LRRFIP2: variants seen among roughly 807,000 people sequenced by gnomAD.
The protein encoded by LRRFIP2 is LRR binding FLII interacting protein 2.
LRRFIP2 carries 109 observed loss-of-function variants against 125.9 expected under a neutral mutation model. The observed-to-expected ratio is 0.87, with a 90% CI of 0.74 to 1.01. The LOEUF is 1.01. LRRFIP2 is among the 50% of genes least tolerant of loss of function. The pLI is 0.00. For synonymous variants in LRRFIP2, 291 were observed against 293.1 expected, an observed-to-expected ratio of 0.99 and a Z score of 0.07; for missense variants, 850 against 862.3, an observed-to-expected ratio of 0.99 and a Z score of 0.18.
intron 1 of LRRFIP2, among the ~76,000 whole-genome samples, chr3:37,155,901 C>T (rs1290278161): frequency 6.6e-6 from 1 of 152,050 alleles, no homozygotes; most frequent in African/African-American, 2.4e-5. Context: ...GAGACAGGGT[C>T]TCCCACTCTG....
In LRRFIP2 at chr3:37,112,958, TGA is replaced by T. The variant is rs1167735649; in HGVS notation, c.393_394del (p.His132TrpfsTer8). On this transcript the variant is annotated frameshift_variant, in exon 8 of 28. Transcript: ENST00000336686. LOFTEE classifies it high-confidence loss of function. ...ATCAGAAGACCTCTTCTTCATTCCA[TGA>T]GAGTGACTGTAAGAATGATTCTGGA... 1.3e-6 allele frequency: 2 copies of T among 1,581,210 alleles called. No individual in the cohort carries two copies. The highest frequency in any genetic ancestry group is 2.7e-5 in the African/African-American group (2 of 74,478).
At chr3:37,145,047 T>C (rs1410577760) in intron 2 of LRRFIP2, among the ~76,000 whole-genome samples, 2 of 152,196 alleles carry the variant, frequency 1.3e-5, no homozygotes, top group East Asian at 3.8e-4. Flanking sequence ...GTTGCCATGG[T>C]TTCCAAATTA....
intron 23 of LRRFIP2, 144 bp downstream of exon 23, chr3:37,065,658 ACAATGTGC>A (rs1281402925): frequency 3.3e-6 from 3 of 917,984 alleles, no homozygotes; most frequent in Non-Finnish European, 5.3e-6. Context: ...ATGTCTGAAG[ACAATGTGC>A]CAATGTGCCC....
chr3:37,125,950 TTTTC>T (rs1486564819), intron 4 of LRRFIP2, among the ~76,000 whole-genome samples: 3 of 152,298 alleles, frequency 2.0e-5, no homozygotes, highest in East Asian at 1.9e-4. Flanking sequence ...TTTTTTCTTT[TTTTC>T]TTTTTCTTTT....
intron 27 of LRRFIP2, 65 bp from the exon 28 acceptor site, chr3:37,054,026 T>C: frequency 1.0e-6 from 1 of 979,356 alleles, no homozygotes. Context: ...TACTCTATTT[T>C]CAACTTCCTG....
intron 25 of LRRFIP2, 79 bp downstream of exon 25, chr3:37,058,711 A>T: frequency 6.8e-7 from 1 of 1,479,214 alleles, no homozygotes; most frequent in African/African-American, 1.4e-5. Flanking sequence ...ATTACAAGAT[A>T]CCAGCAACCT....
chr3:37,152,007 A>C (rs2096045118), intron 1 of LRRFIP2, among the ~76,000 whole-genome samples: 1 of 152,212 alleles, frequency 6.6e-6, no homozygotes, highest in African/African-American at 2.4e-5. Flanking sequence ...AAAAAGACAC[A>C]TACACACACA....
In LRRFIP2 at chr3:37,165,116, T is replaced by C. The variant is rs899515838; in HGVS notation, c.-56+9423A>G. ...CAGGCGTGGTGGTGAGCGCCTATAG[T>C]TCCAGCTACTTGGGAGGCTGAGGCA... On this transcript the variant is annotated intron_variant, in intron 1 of 27. Coordinates refer to ENST00000336686, the MANE Select transcript of LRRFIP2 (RefSeq NM_006309.4). Among the ~76,000 whole-genome samples the C allele has an allele frequency of 2.0e-5, 3 of 151,920 alleles. No homozygotes were observed. The East Asian group carries it at 5.8e-4, about 29-fold the overall frequency.
chr3:37,168,455 C>T (rs745844610), intron 1 of LRRFIP2, among the ~76,000 whole-genome samples: 9 of 152,100 alleles, frequency 5.9e-5, no homozygotes, highest in East Asian at 3.8e-4. Context: ...TCCATTTATA[C>T]GAGGTACCTG....
At chr3:37,149,508 C>T (rs1162544234) in intron 1 of LRRFIP2, among the ~76,000 whole-genome samples, 1 of 152,014 alleles carries the variant, frequency 6.6e-6, no homozygotes, top group Non-Finnish European at 1.5e-5. Context: ...CGGAGCAAGA[C>T]TCTGTCTCAA....
At chr3:37,113,525 C>A (rs1357337655) in intron 7 of LRRFIP2, among the ~76,000 whole-genome samples, 1 of 152,198 alleles carries the variant, frequency 6.6e-6, no homozygotes, top group Non-Finnish European at 1.5e-5. Flanking sequence ...TGGTCTTGAA[C>A]TCTTGGCCTC....
At chr3:37,087,965 T>C (rs1034612764) in intron 18 of LRRFIP2, among the ~76,000 whole-genome samples, 1 of 152,136 alleles carries the variant, frequency 6.6e-6, no homozygotes, top group African/African-American at 2.4e-5. Context: ...GGGAACTGGG[T>C]AAAAATGCAA....
intron 1 of LRRFIP2, 37 bp from the exon 2 acceptor site, chr3:37,149,075 C>A (rs551464954): frequency 4.6e-6 from 7 of 1,520,782 alleles, no homozygotes; most frequent in Middle Eastern, 1.8e-4. Flanking sequence ...TAAGGTATTT[C>A]TTTGTGCAAT....
chr3:37,172,265 A>C (rs2150436262), intron 1 of LRRFIP2, among the ~76,000 whole-genome samples: 1 of 152,340 alleles, frequency 6.6e-6, no homozygotes, highest in East Asian at 1.9e-4. Context: ...AAACAACCTA[A>C]ATATCTGTCA....
rs551474335 is a variant in LRRFIP2 at position 37,101,682 on chromosome 3, A to G, written c.873+1242T>C. On this transcript the variant is annotated intron_variant, in intron 15 of 27. Coordinates refer to ENST00000336686, the MANE Select transcript of LRRFIP2 (RefSeq NM_006309.4). ...CCTGTCACCAAGAAAAAAAAAAAAA[A>G]AAGAAGAAGAAGAAGAAAGAAAGAA... Among the ~76,000 whole-genome samples, 570 of 150,250 alleles carry G rather than the reference A, an allele frequency of 3.8e-3. 4 individuals carry two copies. Among genetic ancestry groups the G allele is most frequent in the African/African-American group, 0.013 (511 of 40,824 alleles).
Position 37,091,507 on chromosome 3 carries a change from T to A in LRRFIP2, c.1067A>T (p.Asp356Val), listed in dbSNP as rs747520661. 2 of 1,612,158 alleles carry A rather than the reference T, an allele frequency of 1.2e-6. No homozygotes were observed. Among genetic ancestry groups the A allele is most frequent in the Non-Finnish European group, 1.7e-6 (2 of 1,179,162 alleles). ...CCCCTGCATGTATCTCCCTTCTACA[T>A]CCTGTATCTGGTCCTTAAGGTCATA... is the stretch of plus-strand genomic sequence containing the variant. ...DIYDLKDQIQDVEGRYMQGLK... is the reference protein window; with the variant it reads ...DIYDLKDQIQVVEGRYMQGLK... The change falls in exon 18 of 28, where the codon GAT becomes GTT. Residue 356 changes from aspartate to valine, a missense_variant. Transcript: ENST00000336686.
At chr3:37,093,803 A>G (rs927905415) in intron 17 of LRRFIP2, among the ~76,000 whole-genome samples, 4 of 152,022 alleles carry the variant, frequency 2.6e-5, no homozygotes, top group African/African-American at 9.7e-5. Flanking sequence ...CTTACACGCT[A>G]CTATTCTTCA....
At chr3:37,096,497 A>G in intron 16 of LRRFIP2, 119 bp downstream of exon 16, 1 of 663,124 alleles carries the variant, frequency 1.5e-6, no homozygotes, top group South Asian at 1.8e-5. Context: ...GACAGGAAAT[A>G]GATGAAGGGA....
At chr3:37,073,378 G>A (rs1053501182) in intron 20 of LRRFIP2, among the ~76,000 whole-genome samples, 4 of 152,090 alleles carry the variant, frequency 2.6e-5, no homozygotes, top group African/African-American at 7.2e-5. Context: ...CATGAATTTT[G>A]TATTATTTTA....
Sources: gnomAD v4.1 joint callset for allele counts (sites outside exome capture counted in the v4.1 genomes callset) on GRCh38, gnomAD v4.1.1 for gene constraint, MANE v1.5 for transcripts, NCBI Gene and HGNC (gene_info 2026-07-23, HGNC 2026-07-21) for gene names.